The following TBC1D8B variants were observed in gnomAD, a reference collection of about 807,000 sequenced individuals.
TBC1D8B encodes the protein RP11-321G1.1.
Under a neutral mutation model 82.9 loss-of-function variants are expected in TBC1D8B, and 75 were observed. That is an observed-to-expected ratio of 0.90 (90% CI 0.75 to 1.10). The LOEUF (loss-of-function observed/expected upper bound fraction) is 1.10, where lower values mean the gene tolerates loss of function less well. TBC1D8B is among the 50% of genes least tolerant of loss of function. The pLI, the probability that TBC1D8B is intolerant of heterozygous loss-of-function variation, is 0.00. For missense variants in TBC1D8B, 794 were observed against 796.9 expected (o/e 1.00, Z 0.04); for synonymous variants, 276 against 276.8 (o/e 1.00, Z 0.03).
At chrX:106,846,095 CTTT>C (rs763406306) in intron 10 of TBC1D8B, among the ~76,000 whole-genome samples, 4 of 72,247 alleles carry the variant, frequency 5.5e-5, no homozygotes, top group Admixed American at 1.6e-4. Context: ...CTCTCTCTCT[CTTT>C]TTTTTTTTTT....
chrX:106,806,052 C>G (rs1359904890), intron 1 of TBC1D8B, among the ~76,000 whole-genome samples: 1 of 112,439 alleles, frequency 8.9e-6, no homozygotes, highest in East Asian at 2.8e-4. Context: ...TGTAATGACT[C>G]TTAAGTGTGG....
intron 7 of TBC1D8B, chrX:106,827,956 G>A (rs1274223669): frequency 9.0e-6 from 1 of 111,070 alleles, no homozygotes; most frequent in Non-Finnish European, 1.9e-5. Context: ...AGAACTGAAG[G>A]AAATAGAGAC....
intron 1 of TBC1D8B, among the ~76,000 whole-genome samples, chrX:106,807,183 G>T (rs1316518256): frequency 9.3e-6 from 1 of 107,238 alleles, no homozygotes; most frequent in East Asian, 2.9e-4. Flanking sequence ...TTTCATTTAA[G>T]GTAAGGAAAG....
chrX:106,872,535 T>C (rs1027188460), intron 20 of TBC1D8B, among the ~76,000 whole-genome samples: 2 of 104,182 alleles, frequency 1.9e-5, no homozygotes, highest in Non-Finnish European at 3.9e-5. Flanking sequence ...CAAAAGCCTA[T>C]GATTCTAATG....
In TBC1D8B at chrX:106,831,171, A is replaced by T. The variant is rs751130267; in HGVS notation, c.1203+3834A>T. ...TCAAAGAAAAACTAAATGTGTCTTTATTGGCTATATTATTTTATTTGAATT... is the reference window on the plus strand; with the variant it reads ...TCAAAGAAAAACTAAATGTGTCTTTTTTGGCTATATTATTTTATTTGAATT... On this transcript the variant is annotated intron_variant, in intron 7 of 20. Transcript: ENST00000357242. Among the ~76,000 whole-genome samples, 10 of 111,108 alleles carry T rather than the reference A, an allele frequency of 9.0e-5. No homozygotes were observed. In the East Asian group the frequency reaches 2.8e-3, roughly 31 times the overall value.
chrX:106,824,015 T>C (rs1419153605), intron 5 of TBC1D8B, among the ~76,000 whole-genome samples: 1 of 111,429 alleles, frequency 9.0e-6, no homozygotes, highest in Admixed American at 9.6e-5. Flanking sequence ...ATGGGCATGA[T>C]ATGTGTGAAA....
chrX:106,830,696 C>CA (rs1235922278), intron 7 of TBC1D8B, among the ~76,000 whole-genome samples: 3 of 104,392 alleles, frequency 2.9e-5, no homozygotes, highest in African/African-American at 1.1e-4. Flanking sequence ...ATCGCAAGGA[C>CA]AAAAAACCAA....
In TBC1D8B at chrX:106,865,562, C is replaced by T. The variant is rs372432035; in HGVS notation, c.2356C>T (p.Arg786Cys). 34 of 1,191,551 alleles carry T rather than the reference C, an allele frequency of 2.9e-5. No homozygotes were observed. The African/African-American group carries it at 4.9e-4, about 17-fold the overall frequency. ...LEETTKQNVL[R>C]VVSQDVKLSL... ...ATTGCTTTTAATCTTTTTAAAGTTG[C>T]GTGTTGTATCACAAGATGTGAAATT... is the stretch of plus-strand genomic sequence containing the variant. Residue 786 changes from arginine to cysteine, a missense_variant, in exon 15 of 21, where the codon CGT becomes TGT. Arg to Cys is a radical substitution (Grantham distance 180). Coordinates refer to ENST00000357242, the MANE Select transcript of TBC1D8B (RefSeq NM_017752.3).
intron 11 of TBC1D8B, chrX:106,849,762 G>T (rs1181376683): frequency 2.3e-6 from 2 of 852,517 alleles, no homozygotes; most frequent in Admixed American, 1.1e-4. Context: ...TCATTAATTG[G>T]TATAGCTCTT....
chrX:106,854,351 A>G, intron 14 of TBC1D8B, 55 bp downstream of exon 14: 1 of 813,355 alleles, frequency 1.2e-6, no homozygotes. Context: ...TTTTTCTATA[A>G]CTTTCTTTAG....
chrX:106,830,960 AAATAAAT>A lies in TBC1D8B; in HGVS notation c.1203+3626_1203+3632del, dbSNP rs1214471580. Reference sequence around the variant, plus strand: ...TAAAGTATAATAATAATAAATAAATAAATAAATAAATAAATAAATAAAATATTAGAGA... The same window carrying A: ...TAAAGTATAATAATAATAAATAAATAAAATAAATAAATAAAATATTAGAGA... On this transcript the variant is annotated intron_variant, in intron 7 of 20. Coordinates refer to ENST00000357242, the MANE Select transcript of TBC1D8B (RefSeq NM_017752.3). Among the ~76,000 whole-genome samples the A allele has an allele frequency of 1.4e-3, 147 of 108,418 alleles. 1 individual carries two copies. The highest frequency in any genetic ancestry group is 4.7e-3 in the African/African-American group (140 of 29,995). 94.1% of individuals were successfully genotyped at this position (108,418 alleles called of 115,157 possible).
At chrX:106,853,443 G>C in intron 12 of TBC1D8B, 78 bp from the exon 13 acceptor site, 1 of 1,015,083 alleles carries the variant, frequency 9.9e-7, no homozygotes, top group East Asian at 3.1e-5. Context: ...TAACTAACTA[G>C]GGAGAAATTA....
At chrX:106,804,415 A>T (rs1392529223) in intron 1 of TBC1D8B, among the ~76,000 whole-genome samples, 1 of 111,885 alleles carries the variant, frequency 8.9e-6, no homozygotes, top group Admixed American at 9.5e-5. Flanking sequence ...ATGGCAACAA[A>T]AATTGCCCTG....
At chrX:106,825,104 C>T (rs897436118) in intron 5 of TBC1D8B, among the ~76,000 whole-genome samples, 2 of 110,720 alleles carry the variant, frequency 1.8e-5, no homozygotes, top group Admixed American at 1.9e-4. Context: ...ATAGTGAACC[C>T]ACAAAATTGC....
intron 1 of TBC1D8B, among the ~76,000 whole-genome samples, chrX:106,810,055 C>A (rs1931322374): frequency 1.8e-5 from 2 of 111,441 alleles, no homozygotes; most frequent in Admixed American, 9.5e-5. Context: ...TGCAGGGAAA[C>A]CCTCAAAGCA....
intron 12 of TBC1D8B, among the ~76,000 whole-genome samples, chrX:106,852,078 T>G (rs1932599010): frequency 9.2e-6 from 1 of 109,097 alleles, no homozygotes; most frequent in Non-Finnish European, 1.9e-5. Flanking sequence ...CAGTACCTGT[T>G]GTTTCCTGAC....
Position 106,874,142 on chromosome X carries a change from C to CT in TBC1D8B, c.*182dup. On this transcript the variant is annotated 3_prime_UTR_variant, in exon 21 of 21. Transcript: ENST00000357242. Reference sequence around the variant, plus strand: ...TTGTTGATAATGGGCTTTGTTAGCACTTTTTAAAACAAACAAACAAACAAA... The same window carrying CT: ...TTGTTGATAATGGGCTTTGTTAGCACTTTTTTAAAACAAACAAACAAACAAA... The CT allele has an allele frequency of 2.7e-6, 1 of 367,350 alleles. No individual in the cohort carries two copies. The highest frequency in any genetic ancestry group is 4.4e-6 in the Non-Finnish European group (1 of 228,822). The allele number at this position is 367,350 out of a possible 1,213,427, so 30.3% of individuals were successfully genotyped here.
intron 11 of TBC1D8B, 92 bp from the exon 12 acceptor site, chrX:106,849,933 A>G: frequency 5.5e-6 from 6 of 1,091,123 alleles, no homozygotes; most frequent in Non-Finnish European, 6.0e-6. Context: ...AAGAAGAATG[A>G]GATACATCAG....
chrX:106,823,147 A>G, intron 4 of TBC1D8B, 79 bp from the exon 5 acceptor site: 5 of 1,016,871 alleles, frequency 4.9e-6, no homozygotes, highest in South Asian at 2.5e-5. Context: ...GGGATTAACT[A>G]TTGTTTCAGA....
Sources: allele counts gnomAD v4.1 joint callset (sites outside exome capture counted in the v4.1 genomes callset), GRCh38; gene constraint gnomAD v4.1.1; transcripts MANE v1.5; gene names NCBI Gene and HGNC (gene_info 2026-07-23, HGNC 2026-07-21).